Variants in GFM2 observed in about 807,000 individuals in gnomAD.
The protein encoded by GFM2 is GTP dependent ribosome recycling factor mitochondrial 2.
GFM2 carries 72 observed loss-of-function variants against 95.4 expected under a neutral mutation model. The ratio of observed to expected loss-of-function variants is 0.76; its 90% CI spans 0.62 to 0.92. The LOEUF (loss-of-function observed/expected upper bound fraction) is 0.92, where lower values mean the gene tolerates loss of function less well. GFM2 is among the 40% of genes least tolerant of loss of function. The probability of loss-of-function intolerance (pLI) is 0.00; values close to 1 mark genes in which losing one functional copy is unlikely to be tolerated. For missense variants in GFM2, 825 were observed against 924.1 expected (o/e 0.89, Z 1.39); for synonymous variants, 276 against 317.5 (o/e 0.87, Z 1.39).
intron 17 of GFM2, among the ~76,000 whole-genome samples, chr5:74,729,871 T>C (rs1047767782): frequency 1.3e-5 from 2 of 152,180 alleles, no homozygotes; most frequent in Admixed American, 6.5e-5. Flanking sequence ...ACTATCAGCA[T>C]AGAATAATCA....
Position 74,736,941 on chromosome 5 carries a change from T to TA in GFM2, c.1364dup (p.Leu455PhefsTer6). 1 of 1,613,760 alleles carries TA rather than the reference T, an allele frequency of 6.2e-7. No homozygotes were observed. The highest frequency in any genetic ancestry group is 8.5e-7 in the Non-Finnish European group (1 of 1,179,756). ...CCCGTTCGGCTCTACGAGCTGCAGC[T>TA]AATGCACTGGACTTGGATGAGACAA... is the stretch of plus-strand genomic sequence containing the variant. On this transcript the variant is annotated frameshift_variant, in exon 15 of 21. Transcript: ENST00000296805. LOFTEE classifies it high-confidence loss of function.
At chr5:74,763,255 A>G (rs1744374506) in intron 2 of GFM2, among the ~76,000 whole-genome samples, 1 of 152,226 alleles carries the variant, frequency 6.6e-6, no homozygotes, top group Non-Finnish European at 1.5e-5. Context: ...AAGTAGTTGT[A>G]TCAACCATTG....
intron 4 of GFM2, 55 bp downstream of exon 4, chr5:74,759,314 C>T: frequency 3.0e-6 from 3 of 1,016,410 alleles, no homozygotes; most frequent in Non-Finnish European, 1.5e-6. Flanking sequence ...TCAGAAAAAA[C>T]CTGTAAATTT....
intron 8 of GFM2, among the ~76,000 whole-genome samples, chr5:74,747,461 C>T (rs927507803): frequency 6.6e-6 from 1 of 152,166 alleles, no homozygotes; most frequent in Non-Finnish European, 1.5e-5. Context: ...TCTCTCTATA[C>T]TAGAAACAGG....
chr5:74,761,516 G>T (rs1238893854), intron 2 of GFM2, among the ~76,000 whole-genome samples: 1 of 152,094 alleles, frequency 6.6e-6, no homozygotes, highest in African/African-American at 2.4e-5. Context: ...ACCATTAGTT[G>T]TTTTCAGGAT....
intron 1 of GFM2, among the ~76,000 whole-genome samples, chr5:74,765,685 G>A (rs1744540722): frequency 6.6e-6 from 1 of 152,050 alleles, no homozygotes; most frequent in African/African-American, 2.4e-5. Context: ...GATCACCTTA[G>A]AAAATGGAGC....
intron 17 of GFM2, among the ~76,000 whole-genome samples, chr5:74,729,994 G>T (rs1032654369): frequency 6.6e-6 from 1 of 152,028 alleles, no homozygotes; most frequent in East Asian, 1.9e-4. Flanking sequence ...ACAAGCCATC[G>T]ACTTCAGTGG....
chr5:74,732,611 A>G (rs1742629293), intron 16 of GFM2, among the ~76,000 whole-genome samples: 2 of 152,126 alleles, frequency 1.3e-5, no homozygotes, highest in African/African-American at 4.8e-5. Context: ...ATTGTAATCT[A>G]TCACTTCTCT....
intron 2 of GFM2, among the ~76,000 whole-genome samples, chr5:74,761,198 T>C (rs1241089170): frequency 6.6e-6 from 1 of 152,238 alleles, no homozygotes; most frequent in South Asian, 2.1e-4. Flanking sequence ...ATTTGCTATT[T>C]TGAGCTGACC....
Position 74,739,158 on chromosome 5 carries a change from G to A in GFM2, c.1080-516C>T, listed in dbSNP as rs186718927. Among the ~76,000 whole-genome samples the A allele has an allele frequency of 2.7e-3, 406 of 152,100 alleles. 3 individuals carry two copies. Among genetic ancestry groups the A allele is most frequent in the African/African-American group, 8.0e-3 (331 of 41,520 alleles). ...TTCTCCTGCAATTGCCAAATTTTGC[G>A]CATCTAAGGAGAGCTCCATATTTTC... On this transcript the variant is annotated intron_variant, in intron 12 of 20. Coordinates refer to ENST00000296805, the MANE Select transcript of GFM2 (RefSeq NM_032380.5).
chr5:74,742,413 G>A (rs1743156570), intron 10 of GFM2, among the ~76,000 whole-genome samples: 1 of 152,044 alleles, frequency 6.6e-6, no homozygotes, highest in Admixed American at 6.6e-5. Context: ...TTCAAATTTT[G>A]GTCAAGTTAT....
In GFM2 at chr5:74,764,024, C is replaced by A. The variant is rs192675776; in HGVS notation, c.-24-258G>T. Among the ~76,000 whole-genome samples the A allele has an allele frequency of 1.6e-3, 239 of 152,252 alleles. 2 individuals are homozygous for A. The highest frequency in any genetic ancestry group is 0.011 in the East Asian group (59 of 5,192). On this transcript the variant is annotated intron_variant, in intron 1 of 20. Coordinates refer to ENST00000296805, the MANE Select transcript of GFM2 (RefSeq NM_032380.5). ...ATGTTTAAAGAAAGATATGGCGATA[C>A]AGTAGAAATCAACTTATTGAAATTA...
chr5:74,747,837 A>G (rs1346167742), intron 7 of GFM2, 57 bp from the exon 8 acceptor site: 15 of 958,414 alleles, frequency 1.6e-5, no homozygotes, highest in Admixed American at 2.1e-5. Context: ...ATGTTACTAG[A>G]CCTGGAATGA....
At chr5:74,734,488 C>T (rs1310808853) in intron 15 of GFM2, among the ~76,000 whole-genome samples, 3 of 152,104 alleles carry the variant, frequency 2.0e-5, no homozygotes, top group East Asian at 1.9e-4. Context: ...GACAGAAATG[C>T]GGAATCTTAG....
In GFM2 at chr5:74,726,145, T is replaced by TTTACA; in HGVS notation, c.1727-20_1727-19insTGTAA. 2 of 1,567,904 alleles carry TTTACA rather than the reference T, an allele frequency of 1.3e-6. No individual in the cohort carries two copies. Among genetic ancestry groups the TTTACA allele is most frequent in the Non-Finnish European group, 1.7e-6 (2 of 1,153,152 alleles). On this transcript the variant is annotated intron_variant, in intron 17 of 20. Transcript: ENST00000296805. ...AAGGTATCTGTAAACAAATTGAATATGGCACCTCAGAGATTAATTCTGGAA... is the reference window on the plus strand; with the variant it reads ...AAGGTATCTGTAAACAAATTGAATATTTACAGGCACCTCAGAGATTAATTCTGGAA...
chr5:74,756,091 A>T (rs979015312), intron 5 of GFM2, among the ~76,000 whole-genome samples: 3 of 152,216 alleles, frequency 2.0e-5, no homozygotes, highest in Admixed American at 6.5e-5. Context: ...TCACATAAAC[A>T]GAATTAAAAA....
chr5:74,738,128 T>C (rs1742923331), intron 14 of GFM2, among the ~76,000 whole-genome samples, 190 bp downstream of exon 14: 1 of 152,186 alleles, frequency 6.6e-6, no homozygotes. Flanking sequence ...CCGTCTGTGG[T>C]CTTCCGTAAT....
chr5:74,763,275 G>C (rs1044335585), intron 2 of GFM2, among the ~76,000 whole-genome samples: 2 of 152,128 alleles, frequency 1.3e-5, no homozygotes, highest in African/African-American at 4.8e-5. Context: ...GTATAATTAT[G>C]TTGTACTTTG....
chr5:74,747,808 A>C (rs372343146), intron 7 of GFM2, 28 bp from the exon 8 acceptor site: 1 of 1,299,516 alleles, frequency 7.7e-7, no homozygotes, highest in East Asian at 2.3e-5. Flanking sequence ...AAAAAAATAC[A>C]TACTGAACAA....
Sources: allele counts gnomAD v4.1 joint callset (sites outside exome capture counted in the v4.1 genomes callset), GRCh38; gene constraint gnomAD v4.1.1; transcripts MANE v1.5; gene names NCBI Gene and HGNC (gene_info 2026-07-23, HGNC 2026-07-21).